ZNF462: variants seen among roughly 807,000 people sequenced by gnomAD.
ZNF462 encodes zinc finger protein 462.
ZNF462 carries 10 observed loss-of-function variants against 201.9 expected under a neutral mutation model. The ratio of observed to expected loss-of-function variants is 0.05; its 90% confidence interval spans 0.03 to 0.08. The LOEUF is 0.08. Ranked by LOEUF, ZNF462 falls within the 10% of genes least tolerant of loss-of-function variation. The pLI, the probability that ZNF462 is intolerant of heterozygous loss-of-function variation, is 1.00. For missense variants in ZNF462, 2,523 were observed against 3,168.3 expected (o/e 0.80, Z 4.89); for synonymous variants, 1,227 against 1,193.3 (o/e 1.03, Z -0.58).
At chr9:106,911,584 C>A (rs1414879330) in intron 1 of ZNF462, among the ~76,000 whole-genome samples, 1 of 152,190 alleles carries the variant, frequency 6.6e-6, no homozygotes, top group Non-Finnish European at 1.5e-5. Flanking sequence ...GCTGATGCTG[C>A]TGGTCCAGGG....
In ZNF462 at chr9:106,972,410, G is replaced by C; in HGVS notation, c.6695+138G>C. ...TGTGATGATGTAGGGGTTGGGTCCAGGCTTCATGGAAGGAGGGTAGTTTCA... is the reference window on the plus strand; with the variant it reads ...TGTGATGATGTAGGGGTTGGGTCCACGCTTCATGGAAGGAGGGTAGTTTCA... On this transcript the variant is annotated intron_variant, in intron 8 of 12. Transcript: ENST00000277225. The surrounding 1 kb of genome is among the most constrained non-coding windows in gnomAD (Gnocchi z 4.8). 8.0e-7 allele frequency: 1 copy of C among 1,251,586 alleles called. No homozygotes were observed. The highest frequency in any genetic ancestry group is 1.1e-6 in the Non-Finnish European group (1 of 914,542). 77.5% of individuals were successfully genotyped at this position (1,251,586 alleles called of 1,614,324 possible).
In ZNF462 at chr9:106,978,336, A is replaced by G. The variant is rs180730096; in HGVS notation, c.6832+4063A>G. Among the ~76,000 whole-genome samples the G allele has an allele frequency of 2.7e-4, 41 of 151,722 alleles. 1 individual carries two copies. The highest frequency in any genetic ancestry group is 8.8e-4 in the African/African-American group (36 of 40,994). On this transcript the variant is annotated intron_variant, in intron 9 of 12. Coordinates refer to ENST00000277225, the MANE Select transcript of ZNF462 (RefSeq NM_021224.6). The surrounding 1 kb of genome is among the most constrained non-coding windows in gnomAD (Gnocchi z 4.1). Reference sequence around the variant, plus strand: ...AGACATTTCCGGGGTCCTGAAGAGAATAGGAAGCATACCAGAGAAGTATGT... The same window carrying G: ...AGACATTTCCGGGGTCCTGAAGAGAGTAGGAAGCATACCAGAGAAGTATGT...
In ZNF462 at chr9:106,972,306, G is replaced by T; in HGVS notation, c.6695+34G>T. ...CGTAATGAACAGCTATGGAAAACAA[G>T]GCGGCCGCCCCTGCTCCACCCCTCA... On this transcript the variant is annotated intron_variant, in intron 8 of 12. Coordinates refer to ENST00000277225, the MANE Select transcript of ZNF462 (RefSeq NM_021224.6). The surrounding 1 kb of genome is among the most constrained non-coding windows in gnomAD (Gnocchi z 4.8). 6.3e-7 allele frequency: 1 copy of T among 1,593,950 alleles called. No homozygotes were observed.
rs375972762 is a variant in ZNF462 at position 106,928,637 on chromosome 9, C to T, written c.4725C>T (p.Gly1575=). ...GCAGGATCTTCAAGCAAGGGTATGG[C>T]GCCTACCGGTGCAAACTGTGTCCGT... ...ETSRIFKQGY[G]AYRCKLCPYT... The change falls in exon 3 of 13, where the codon GGC becomes GGT. Residue 1575 remains glycine, a synonymous_variant. Coordinates refer to ENST00000277225, the MANE Select transcript of ZNF462 (RefSeq NM_021224.6). This position sits in a 1 kb window ranked among gnomAD's most constrained non-coding sequence, Gnocchi z 9.3. 8.6e-5 allele frequency: 139 copies of T among 1,613,994 alleles called. No homozygotes were observed. The highest frequency in any genetic ancestry group is 8.3e-4 in the African/African-American group (62 of 74,922).
At chr9:106,960,161 G>A (rs780865975) in intron 7 of ZNF462, among the ~76,000 whole-genome samples, 5 of 152,014 alleles carry the variant, frequency 3.3e-5, no homozygotes, top group Non-Finnish European at 4.4e-5. Flanking sequence ...CCTGATTTCC[G>A]TGTAGCATCA....
At position 106,886,648 on chromosome 9, in the gene ZNF462, C is replaced by T. The variant is rs186541466; in HGVS notation, c.-31+23293C>T. On this transcript the variant is annotated intron_variant, in intron 1 of 12. Coordinates refer to ENST00000277225, the MANE Select transcript of ZNF462 (RefSeq NM_021224.6). The surrounding 1 kb of genome is among the most constrained non-coding windows in gnomAD (Gnocchi z 4.6). ...AGGAAATCATCCCACTTAACCCCTT[C>T]ATTTTACAGCTCTGGAAAGGCTGAA... Among the ~76,000 whole-genome samples, 20 of 152,300 alleles carry T rather than the reference C, an allele frequency of 1.3e-4. No individual in the cohort carries two copies. The East Asian group carries it at 2.7e-3, about 21-fold the overall frequency.
Position 106,981,830 on chromosome 9 carries a change from G to A in ZNF462, c.6833-2356G>A, listed in dbSNP as rs1474388107. 3.9e-5 allele frequency among the ~76,000 whole-genome samples: 6 copies of A among 152,186 alleles called. No homozygotes were observed. The highest frequency in any genetic ancestry group is 2.0e-4 in the Admixed American group (3 of 15,284). On this transcript the variant is annotated intron_variant, in intron 9 of 12. Transcript: ENST00000277225. This position sits in a 1 kb window ranked among gnomAD's most constrained non-coding sequence, Gnocchi z 4.0. ...GTCACTGAATGACTATCTTTGAGGC[G>A]TGTGGGACATCATTATATGAAAAAT... is the stretch of plus-strand genomic sequence containing the variant.
At chr9:106,891,848 C>T (rs1238079722) in intron 1 of ZNF462, among the ~76,000 whole-genome samples, 1 of 152,024 alleles carries the variant, frequency 6.6e-6, no homozygotes, top group Non-Finnish European at 1.5e-5. Context: ...TCCTGAGAGA[C>T]CCATCCATGC....
chr9:107,011,318 G>A lies in ZNF462; in HGVS notation c.*288G>A, dbSNP rs1390368495. On this transcript the variant is annotated 3_prime_UTR_variant, in exon 13 of 13. Coordinates refer to ENST00000277225, the MANE Select transcript of ZNF462 (RefSeq NM_021224.6). This position sits in a 1 kb window ranked among gnomAD's most constrained non-coding sequence, Gnocchi z 5.6. ...CGGAATATGGAAGCACCTCCCAATG[G>A]TACGGTGCACCCTGTGGTGGTCTTG... is the stretch of plus-strand genomic sequence containing the variant. 8 of 373,954 alleles carry A rather than the reference G, an allele frequency of 2.1e-5. No individual in the cohort carries two copies. The highest frequency in any genetic ancestry group is 1.2e-4 in the South Asian group (5 of 40,530). 23.2% of individuals were successfully genotyped at this position (373,954 alleles called of 1,614,324 possible). A position where few individuals can be genotyped will look rare whatever the true frequency, so the allele number is the denominator to read the frequency against.
rs1223782042 is a variant in ZNF462, at chr9:106,968,109, A to T, written c.6428-3896A>T. ...TCTGATTTGTATCACAGAACCCTAGAGGTCACCATTGAGAACAGATGCCTA... is the reference window on the plus strand; with the variant it reads ...TCTGATTTGTATCACAGAACCCTAGTGGTCACCATTGAGAACAGATGCCTA... On this transcript the variant is annotated intron_variant, in intron 7 of 12. Coordinates refer to ENST00000277225, the MANE Select transcript of ZNF462 (RefSeq NM_021224.6). This position sits in a 1 kb window ranked among gnomAD's most constrained non-coding sequence, Gnocchi z 4.0. Among the ~76,000 whole-genome samples the T allele has an allele frequency of 6.6e-6, 1 of 152,178 alleles. No homozygotes were observed. The highest frequency in any genetic ancestry group is 2.4e-5 in the African/African-American group (1 of 41,452).
In ZNF462 at chr9:106,930,908, C is replaced by T. The variant is rs766954821; in HGVS notation, c.6012+219C>T. 7.7e-5 allele frequency: 38 copies of T among 495,198 alleles called. No homozygotes were observed. Among genetic ancestry groups the T allele is most frequent in the Middle Eastern group, 1.2e-3 (2 of 1,734 alleles). The allele number at this position is 495,198 out of a possible 1,614,324, so 30.7% of individuals were successfully genotyped here. ...AGTTTCGATCTGGTTTCCTTCCACGCGGATAGTTTGGTGGCAGCAGAAGGT... is the reference window on the plus strand; with the variant it reads ...AGTTTCGATCTGGTTTCCTTCCACGTGGATAGTTTGGTGGCAGCAGAAGGT... On this transcript the variant is annotated intron_variant, in intron 4 of 12. Coordinates refer to ENST00000277225, the MANE Select transcript of ZNF462 (RefSeq NM_021224.6). This position sits in a 1 kb window ranked among gnomAD's most constrained non-coding sequence, Gnocchi z 5.8.
At chr9:106,980,233 G>T (rs570538319) in intron 9 of ZNF462, among the ~76,000 whole-genome samples, 71 of 152,198 alleles carry the variant, frequency 4.7e-4, no homozygotes, top group African/African-American at 1.7e-3. Flanking sequence ...TCTATTTATG[G>T]CTATGTTTTG....
rs142717358 is a variant in ZNF462 at position 106,986,673 on chromosome 9, A to G, written c.7056+2264A>G. ...ACAAGTGGCATTTGGTTACATGAGTAATTTCTTTAGTGGTGATTTGTGAGA... is the reference window on the plus strand; with the variant it reads ...ACAAGTGGCATTTGGTTACATGAGTGATTTCTTTAGTGGTGATTTGTGAGA... On this transcript the variant is annotated intron_variant, in intron 10 of 12. Coordinates refer to ENST00000277225, the MANE Select transcript of ZNF462 (RefSeq NM_021224.6). Among the ~76,000 whole-genome samples, 23 of 152,236 alleles carry G rather than the reference A, an allele frequency of 1.5e-4. No homozygotes were observed. The East Asian group carries it at 4.4e-3, about 29-fold the overall frequency.
At chr9:106,879,482 A>G (rs1827996295) in intron 1 of ZNF462, among the ~76,000 whole-genome samples, 1 of 152,084 alleles carries the variant, frequency 6.6e-6, no homozygotes, top group Non-Finnish European at 1.5e-5. Flanking sequence ...AGAGTAAACC[A>G]CATTCCACAC....
rs929887129 is a variant in ZNF462 at position 106,978,499 on chromosome 9, G to A, written c.6832+4226G>A. On this transcript the variant is annotated intron_variant, in intron 9 of 12. Transcript: ENST00000277225. The surrounding 1 kb of genome is among the most constrained non-coding windows in gnomAD (Gnocchi z 4.1). ...GAATACTAATTTAGCAAAGGTTGAA[G>A]CAAAGGATTGGTAGACCCATCTCAT... Among the ~76,000 whole-genome samples, 12 of 151,556 alleles carry A rather than the reference G, an allele frequency of 7.9e-5. 2 individuals are homozygous for A. The highest frequency in any genetic ancestry group is 2.9e-4 in the African/African-American group (12 of 40,842).
intron 7 of ZNF462, among the ~76,000 whole-genome samples, chr9:106,955,489 A>G (rs1212094730): frequency 1.3e-5 from 2 of 152,110 alleles, no homozygotes; most frequent in Admixed American, 1.3e-4. Flanking sequence ...GTGGCTGCTG[A>G]CTGATCAGGG....
intron 10 of ZNF462, among the ~76,000 whole-genome samples, chr9:106,994,822 C>G (rs1828576390): frequency 6.6e-6 from 1 of 152,136 alleles, no homozygotes; most frequent in Non-Finnish European, 1.5e-5. Flanking sequence ...ATCCACTAAA[C>G]TCCCCAGTCA....
chr9:106,935,970 A>G lies in ZNF462; in HGVS notation c.6235+349A>G, dbSNP rs1279417725. On this transcript the variant is annotated intron_variant, in intron 6 of 12. Transcript: ENST00000277225. This position sits in a 1 kb window ranked among gnomAD's most constrained non-coding sequence, Gnocchi z 4.1. ...GCCAAGAATTGTTATATCTATTAAA[A>G]AGACTTTCCAGCTAAAATAAAGTTA... is the stretch of plus-strand genomic sequence containing the variant. 6.6e-6 allele frequency among the ~76,000 whole-genome samples: 1 copy of G among 152,236 alleles called. No individual in the cohort carries two copies. Among genetic ancestry groups the G allele is most frequent in the Non-Finnish European group, 1.5e-5 (1 of 68,048 alleles).
intron 10 of ZNF462, among the ~76,000 whole-genome samples, chr9:106,996,586 G>A (rs1828748882): frequency 6.6e-6 from 1 of 152,078 alleles, no homozygotes; most frequent in Non-Finnish European, 1.5e-5. Context: ...ATTTTTTCAT[G>A]TGTCTGTTGG....
Sources: allele counts gnomAD v4.1 joint callset (sites outside exome capture counted in the v4.1 genomes callset), GRCh38; gene constraint gnomAD v4.1.1; non-coding constraint Gnocchi (gnomAD v3.1); transcripts MANE v1.5; gene names NCBI Gene and HGNC (gene_info 2026-07-23, HGNC 2026-07-21).